Variants in PCDHA6 observed in about 807,000 individuals in gnomAD.
The protein encoded by PCDHA6 is protocadherin alpha-6.
A neutral mutation model predicts 60.3 loss-of-function variants in PCDHA6; 55 were observed. The ratio of observed to expected loss-of-function variants is 0.91; its 90% CI spans 0.73 to 1.14. The LOEUF (loss-of-function observed/expected upper bound fraction) is 1.14, where lower values mean the gene tolerates loss of function less well. Ranked by LOEUF, PCDHA6 falls within the 50% of genes most tolerant of loss-of-function variation. The pLI is 0.00. For missense variants in PCDHA6, 1,327 were observed against 1,256.5 expected (o/e 1.06, Z -0.85); for synonymous variants, 652 against 557.9 (o/e 1.17, Z -2.38).
At chr5:140,889,331 T>A (rs2153427061) in intron 1 of PCDHA6, among the ~76,000 whole-genome samples, 1 of 152,216 alleles carries the variant, frequency 6.6e-6, no homozygotes, top group Middle Eastern at 3.4e-3. Flanking sequence ...ATCAGGATTT[T>A]GATTGGTGGG....
Position 140,849,726 on chromosome 5 carries a change from A to G in PCDHA6, c.2394+19241A>G, listed in dbSNP as rs1554143227. 2.5e-6 allele frequency: 4 copies of G among 1,598,410 alleles called. 1 individual carries two copies. Among genetic ancestry groups the G allele is most frequent in the Non-Finnish European group, 3.4e-6 (4 of 1,168,000 alleles). On this transcript the variant is annotated intron_variant, in intron 1 of 3. Transcript: ENST00000529310. ...GAATTACTACTCGTTGGTGCTGGAC[A>G]GAGCTCTGGACCGCGAGAGTGTGTC...
intron 1 of PCDHA6, among the ~76,000 whole-genome samples, chr5:140,885,230 T>G (rs2060523657): frequency 6.6e-6 from 1 of 152,166 alleles, no homozygotes; most frequent in Non-Finnish European, 1.5e-5. Flanking sequence ...GTGATTCTGC[T>G]TTCAATTTTT....
chr5:140,977,314 C>CTCCTGATG (rs1482871612), intron 1 of PCDHA6, among the ~76,000 whole-genome samples: 1 of 152,152 alleles, frequency 6.6e-6, no homozygotes, highest in African/African-American at 2.4e-5. Context: ...AACGATAGTG[C>CTCCTGATG]TCCTGATGGC....
chr5:140,833,359 A>G (rs1015586759), intron 1 of PCDHA6, among the ~76,000 whole-genome samples: 1 of 152,216 alleles, frequency 6.6e-6, no homozygotes, highest in South Asian at 2.1e-4. Context: ...AAACGAACAC[A>G]GTAAGGTAGA....
At chr5:140,909,471 A>G (rs1398595420) in intron 1 of PCDHA6, among the ~76,000 whole-genome samples, 3 of 152,328 alleles carry the variant, frequency 2.0e-5, no homozygotes, top group African/African-American at 7.2e-5. Context: ...TCTTCTTCAC[A>G]GGCTAAATAG....
At position 140,927,438 on chromosome 5, in the gene PCDHA6, C is replaced by A. The variant is rs1446762816; in HGVS notation, c.2395-51511C>A. ...GATCGCGGGTTGACGGCAGCGAATACCCGGAGTTGGTGTTGGAGAAAGCAC... is the reference window on the plus strand; with the variant it reads ...GATCGCGGGTTGACGGCAGCGAATAACCGGAGTTGGTGTTGGAGAAAGCAC... On this transcript the variant is annotated intron_variant, in intron 1 of 3. Coordinates refer to ENST00000529310, the MANE Select transcript of PCDHA6 (RefSeq NM_018909.4). 3 of 1,614,032 alleles carry A rather than the reference C, an allele frequency of 1.9e-6. No individual in the cohort carries two copies. The Admixed American group carries it at 5.0e-5, about 27-fold the overall frequency.
intron 1 of PCDHA6, among the ~76,000 whole-genome samples, chr5:140,960,168 T>C (rs569250147): frequency 9.2e-5 from 14 of 152,300 alleles, no homozygotes; most frequent in African/African-American, 3.1e-4. Flanking sequence ...AATACAATTC[T>C]TAAGTTAGGG....
chr5:140,871,134 C>T, intron 1 of PCDHA6: 1 of 1,613,414 alleles, frequency 6.2e-7, no homozygotes, highest in Non-Finnish European at 8.5e-7. Flanking sequence ...CGCCAAAGGC[C>T]TCTTCCCGGA....
intron 3 of PCDHA6, among the ~76,000 whole-genome samples, chr5:141,005,862 G>A (rs376850991): frequency 6.6e-6 from 1 of 152,012 alleles, no homozygotes; most frequent in Non-Finnish European, 1.5e-5. Flanking sequence ...CAGGAGGGTC[G>A]ATTGAGTCCA....
rs2150214533 is a variant in PCDHA6, at chr5:140,834,253, C to T, written c.2394+3768C>T. On this transcript the variant is annotated intron_variant, in intron 1 of 3. Transcript: ENST00000529310. ...GTCATTCCTTTTCGCACTGGAAAGA[C>T]GCTCCACTCTCTTTCACTCTTTGGA... The T allele has an allele frequency of 2.7e-5, 25 of 919,776 alleles. No homozygotes were observed. The East Asian group carries it at 5.9e-4, about 22-fold the overall frequency. The allele number at this position is 919,776 out of a possible 1,614,324, so 57.0% of individuals were successfully genotyped here. A position where few individuals can be genotyped will look rare whatever the true frequency, so the allele number is the denominator to read the frequency against.
At position 140,851,668 on chromosome 5, in the gene PCDHA6, G is replaced by A. The variant is rs550292349; in HGVS notation, c.2394+21183G>A. 14 of 914,874 alleles carry A rather than the reference G, an allele frequency of 1.5e-5. 2 individuals carry two copies. Among genetic ancestry groups the A allele is most frequent in the Non-Finnish European group, 1.9e-5 (14 of 751,922 alleles). 56.7% of individuals were successfully genotyped at this position (914,874 alleles called of 1,614,324 possible). A position where few individuals can be genotyped will look rare whatever the true frequency, so the allele number is the denominator to read the frequency against. ...TCAAGAAGACATTCTCCTTTTAATT[G>A]AAATTTTCTCCATTCAGTGATAAAA... On this transcript the variant is annotated intron_variant, in intron 1 of 3. Coordinates refer to ENST00000529310, the MANE Select transcript of PCDHA6 (RefSeq NM_018909.4).
At chr5:140,862,902 G>C (rs782710771) in intron 1 of PCDHA6, 1 of 554,284 alleles carries the variant, frequency 1.8e-6, no homozygotes, top group Non-Finnish European at 3.5e-6. Context: ...CTTTGTCTGC[G>C]CTGCTGGCGC....
chr5:140,989,552 G>A (rs975079697), intron 3 of PCDHA6, among the ~76,000 whole-genome samples: 33 of 152,180 alleles, frequency 2.2e-4, no homozygotes, highest in African/African-American at 7.7e-4. Context: ...ATTCCTTTAC[G>A]TTTTGTGGCT....
chr5:140,963,861 G>A (rs2095794580), intron 1 of PCDHA6, among the ~76,000 whole-genome samples: 1 of 152,172 alleles, frequency 6.6e-6, no homozygotes, highest in Admixed American at 6.5e-5. Flanking sequence ...ATAACCGTAT[G>A]AGTTTTGCTT....
intron 1 of PCDHA6, chr5:140,928,607 G>T: frequency 1.2e-6 from 2 of 1,614,188 alleles, no homozygotes; most frequent in Non-Finnish European, 1.7e-6. Context: ...ATTGTGCCCC[G>T]CTCTGCCAGG....
chr5:140,968,632 C>T, intron 1 of PCDHA6: 1 of 1,614,176 alleles, frequency 6.2e-7, no homozygotes, highest in Non-Finnish European at 8.5e-7. Flanking sequence ...GGCTTTTTTA[C>T]CATCTAGCCC....
rs1190939164 is a variant in PCDHA6, at chr5:140,968,882, C to T, written c.2395-10067C>T. ...CCCTCGGACATACTCTGAAATTACC[C>T]TTTATCTAATAATAGCATTAAGCAC... On this transcript the variant is annotated intron_variant, in intron 1 of 3. Transcript: ENST00000529310. 6 of 1,614,066 alleles carry T rather than the reference C, an allele frequency of 3.7e-6. No individual in the cohort carries two copies. The African/African-American group carries it at 6.7e-5, about 18-fold the overall frequency.
intron 1 of PCDHA6, chr5:140,863,447 G>A: frequency 1.7e-6 from 1 of 575,684 alleles, no homozygotes; most frequent in Non-Finnish European, 3.3e-6. Flanking sequence ...CTTACTCGCA[G>A]CAAAGGAGAT....
chr5:140,916,322 C>T (rs2077526281), intron 1 of PCDHA6, among the ~76,000 whole-genome samples: 1 of 152,066 alleles, frequency 6.6e-6, no homozygotes, highest in Non-Finnish European at 1.5e-5. Context: ...GACAAAGTCC[C>T]CTTTACTTTT....
Sources: allele counts gnomAD v4.1 joint callset (sites outside exome capture counted in the v4.1 genomes callset), GRCh38; gene constraint gnomAD v4.1.1; transcripts MANE v1.5; gene names NCBI Gene and HGNC (gene_info 2026-07-23, HGNC 2026-07-21).